Variants in OTOF observed in about 807,000 individuals in gnomAD.
OTOF encodes otoferlin, also known as fer-1-like family member 2.
Under a neutral mutation model 236.8 loss-of-function variants are expected in OTOF, and 218 were observed. That is an observed-to-expected ratio of 0.92 (90% confidence interval 0.82 to 1.03). The LOEUF (loss-of-function observed/expected upper bound fraction) is 1.03. OTOF is among the 50% of genes least tolerant of loss of function. The pLI is 0.00. For synonymous variants in OTOF, 1,041 were observed against 1,072.5 expected, an observed-to-expected ratio of 0.97 and a Z score of 0.57; for missense variants, 2,590 against 2,694.4, an observed-to-expected ratio of 0.96 and a Z score of 0.86.
In OTOF at chr2:26,462,276, G is replaced by C; in HGVS notation, c.5193-95C>G. ...TGGGGCAGGCGGAGAGAAGCCCTGG[G>C]GTCTTGGGGTCAGCACAGGGCCTGG... On this transcript the variant is annotated intron_variant, in intron 41 of 46. Coordinates refer to ENST00000272371, the MANE Select transcript of OTOF (RefSeq NM_194248.3). The surrounding 1 kb of genome is among the most constrained non-coding windows in gnomAD (Gnocchi z 4.7). The C allele has an allele frequency of 9.3e-7, 1 of 1,073,932 alleles. No individual in the cohort carries two copies. The highest frequency in any genetic ancestry group is 2.4e-5 in the East Asian group (1 of 42,418). 66.5% of individuals were successfully genotyped at this position (1,073,932 alleles called of 1,614,324 possible).
chr2:26,535,908 C>T (rs771077860), intron 2 of OTOF, among the ~76,000 whole-genome samples: 3 of 152,178 alleles, frequency 2.0e-5, no homozygotes, highest in African/African-American at 7.2e-5. Flanking sequence ...GTGTCCAAGG[C>T]GCTGGGCATG....
chr2:26,529,727 G>T (rs1666895396), intron 2 of OTOF, among the ~76,000 whole-genome samples: 1 of 151,198 alleles, frequency 6.6e-6, no homozygotes, highest in African/African-American at 2.4e-5. Flanking sequence ...CTCCCTTCAG[G>T]ACTGGCAAGG....
At chr2:26,528,068 C>G in intron 2 of OTOF, 148 bp from the exon 3 acceptor site, 1 of 698,378 alleles carries the variant, frequency 1.4e-6, no homozygotes, top group Non-Finnish European at 2.6e-6. Context: ...GCATTGACAC[C>G]TGGAATCTCA....
intron 4 of OTOF, among the ~76,000 whole-genome samples, chr2:26,517,682 C>T (rs1666569063): frequency 6.6e-6 from 1 of 152,192 alleles, no homozygotes. Context: ...TCCTGGGTCT[C>T]CGTGCTGGCC....
chr2:26,520,615 C>G (rs979585755), intron 3 of OTOF, among the ~76,000 whole-genome samples: 4 of 152,316 alleles, frequency 2.6e-5, no homozygotes, highest in East Asian at 1.9e-4. Context: ...CCCATGGAAG[C>G]CTTCTTCCAT....
chr2:26,459,272 G>C (rs1664334731), intron 46 of OTOF, among the ~76,000 whole-genome samples: 1 of 152,182 alleles, frequency 6.6e-6, no homozygotes, highest in African/African-American at 2.4e-5. Context: ...GTTAGAGTCG[G>C]CTGGGCGCGG....
intron 1 of OTOF, among the ~76,000 whole-genome samples, chr2:26,545,041 A>C (rs1343612295): frequency 9.5e-4 from 1 of 1,056 alleles, no homozygotes; most frequent in Admixed American, 0.019. Flanking sequence ...ATGCCATCCC[A>C]AAAAAAAAAA....
In OTOF at chr2:26,477,999, T is replaced by A; in HGVS notation, c.2215-250A>T. On this transcript the variant is annotated intron_variant, in intron 18 of 46. Coordinates refer to ENST00000272371, the MANE Select transcript of OTOF (RefSeq NM_194248.3). The surrounding 1 kb of genome is among the most constrained non-coding windows in gnomAD (Gnocchi z 4.7). ...GAAGAAGCCACCTCTGGGCTGTGAG[T>A]CTGTGGCTCTGGTGAGCTCACAGGG... is the stretch of plus-strand genomic sequence containing the variant. 1 of 1,453,162 alleles carries A rather than the reference T, an allele frequency of 6.9e-7. No individual in the cohort carries two copies. The highest frequency in any genetic ancestry group is 9.0e-7 in the Non-Finnish European group (1 of 1,106,462). 90.0% of individuals were successfully genotyped at this position (1,453,162 alleles called of 1,614,324 possible).
intron 10 of OTOF, 56 bp downstream of exon 10, chr2:26,489,622 A>G (rs1383118802): frequency 6.9e-7 from 1 of 1,458,906 alleles, no homozygotes; most frequent in Non-Finnish European, 9.6e-7. Flanking sequence ...TCAAGTCTGC[A>G]CAAAGGTGCA....
chr2:26,471,198 G>A, intron 30 of OTOF, 48 bp from the exon 31 acceptor site: 1 of 1,603,966 alleles, frequency 6.2e-7, no homozygotes, highest in Non-Finnish European at 8.5e-7. Flanking sequence ...ACTGGGGCCT[G>A]GAGTGGCAGG....
At chr2:26,514,830 G>C (rs1666480358) in intron 5 of OTOF, among the ~76,000 whole-genome samples, 1 of 152,198 alleles carries the variant, frequency 6.6e-6, no homozygotes, top group Non-Finnish European at 1.5e-5. Flanking sequence ...TTCCGATCTT[G>C]TTCTCTGGAA....
At position 26,537,842 on chromosome 2, in the gene OTOF, C is replaced by T; in HGVS notation, c.80-68G>A. The T allele has an allele frequency of 2.6e-6, 3 of 1,173,954 alleles. No individual in the cohort carries two copies. In the Admixed American group the frequency reaches 5.9e-5, roughly 23 times the overall value. 72.7% of individuals were successfully genotyped at this position (1,173,954 alleles called of 1,614,324 possible). ...AGACGATGAGCATGGGGTCAGACCT[C>T]CTCATCCTGGGAGTCGTCCTAACAG... On this transcript the variant is annotated intron_variant, in intron 1 of 46. Coordinates refer to ENST00000272371, the MANE Select transcript of OTOF (RefSeq NM_194248.3).
At chr2:26,496,706 G>A (rs1210196139) in intron 8 of OTOF, among the ~76,000 whole-genome samples, 1 of 151,982 alleles carries the variant, frequency 6.6e-6, no homozygotes, top group Non-Finnish European at 1.5e-5. Flanking sequence ...TGTCAGGGTG[G>A]CCATGTTAAG....
At chr2:26,466,371 C>G in intron 36 of OTOF, 1 of 514,416 alleles carries the variant, frequency 1.9e-6, no homozygotes, top group South Asian at 2.0e-5. Context: ...GAGTCTCGCT[C>G]TGTCTCCCAG....
chr2:26,530,953 G>T (rs1240267606), intron 2 of OTOF, among the ~76,000 whole-genome samples: 2 of 152,118 alleles, frequency 1.3e-5, no homozygotes, highest in African/African-American at 4.8e-5. Context: ...ACTCCCATTT[G>T]GCCTCCCTGG....
At chr2:26,530,419 T>A (rs554451631) in intron 2 of OTOF, among the ~76,000 whole-genome samples, 5 of 152,212 alleles carry the variant, frequency 3.3e-5, no homozygotes, top group African/African-American at 1.2e-4. Context: ...GTGGCTCAGG[T>A]GCCCTTTCAG....
chr2:26,466,234 C>T, intron 36 of OTOF, 158 bp from the exon 37 acceptor site: 1 of 828,028 alleles, frequency 1.2e-6, no homozygotes, highest in East Asian at 2.7e-5. Context: ...CAAGTGGCTA[C>T]CCCTCTCTGG....
intron 7 of OTOF, 50 bp from the exon 8 acceptor site, chr2:26,501,858 G>A (rs1201322848): frequency 3.0e-6 from 4 of 1,330,750 alleles, no homozygotes; most frequent in Non-Finnish European, 4.3e-6. Flanking sequence ...ACTGCTTGTT[G>A]GGGAGGAGGA....
At position 26,483,634 on chromosome 2, in the gene OTOF, G is replaced by A. The variant is rs1158890871; in HGVS notation, c.1220C>T (p.Pro407Leu). 6.2e-7 allele frequency: 1 copy of A among 1,612,228 alleles called. No homozygotes were observed. The highest frequency in any genetic ancestry group is 1.3e-5 in the African/African-American group (1 of 74,898). Residue 407 changes from proline (P) to leucine (L), a missense_variant, in exon 13 of 47, where the codon CCC becomes CTC. This residue lies in a region of OTOF where 1,379 missense variants were observed against 1,341.6 expected (regional missense o/e 1.03). Coordinates refer to ENST00000272371, the MANE Select transcript of OTOF (RefSeq NM_194248.3). The stretch of plus-strand genomic sequence containing the variant: ...CTGGCGTTCGGGGGGCACCCCCTCG[G>A]GGAGCAGCAAGTTCCTGCCAGCACA... ...EDDIEGNLLL[P>L]EGVPPERQWA... is the part of the protein sequence containing the mutation.
Sources: gnomAD v4.1 joint callset for allele counts (sites outside exome capture counted in the v4.1 genomes callset) on GRCh38, gnomAD v4.1.1 for gene constraint, gnomAD v4.1.1 regional missense constraint, Gnocchi (gnomAD v3.1) non-coding constraint, MANE v1.5 for transcripts, NCBI Gene and HGNC (gene_info 2026-07-23, HGNC 2026-07-21) for gene names.